Variants in STPG2 observed in about 807,000 individuals in gnomAD.
The protein encoded by STPG2 is sperm tail PG-rich repeat containing 2.
STPG2 carries 56 observed loss-of-function variants against 54.2 expected under a neutral mutation model. That is an observed-to-expected ratio of 1.03 (90% CI 0.83 to 1.29). The LOEUF (loss-of-function observed/expected upper bound fraction) is 1.29, where lower values mean the gene tolerates loss of function less well. Among genes scored for constraint, STPG2 ranks in the 50% most tolerant of loss-of-function variants. The pLI is 0.00. For missense variants in STPG2, 596 were observed against 544.9 expected (o/e 1.09, Z -0.93); for synonymous variants, 200 against 181.8 (o/e 1.10, Z -0.81).
intron 9 of STPG2, among the ~76,000 whole-genome samples, chr4:97,818,937 G>C (rs564935995): frequency 6.8e-6 from 1 of 147,480 alleles, no homozygotes; most frequent in Admixed American, 6.8e-5. Flanking sequence ...ATATATTTAT[G>C]TATCTCTTAT....
chr4:97,516,849 A>T (rs924137263), intron 4 of STPG2, among the ~76,000 whole-genome samples: 3 of 149,134 alleles, frequency 2.0e-5, no homozygotes, highest in Non-Finnish European at 3.0e-5. Flanking sequence ...CAACAACAAC[A>T]ATATATATAT....
chr4:97,660,004 CTTTT>C (rs1274412068), intron 10 of STPG2, among the ~76,000 whole-genome samples: 1 of 140,948 alleles, frequency 7.1e-6, no homozygotes. Flanking sequence ...ATCTTTCTTT[CTTTT>C]TTTTTTTTTT....
intron 7 of STPG2, among the ~76,000 whole-genome samples, chr4:97,961,867 A>G (rs1733902567): frequency 6.6e-6 from 1 of 152,232 alleles, no homozygotes; most frequent in Admixed American, 6.5e-5. Context: ...TTATCTACCC[A>G]TAGGAAAAGT....
chr4:98,091,586 G>A (rs937071755), intron 5 of STPG2, among the ~76,000 whole-genome samples: 2 of 151,928 alleles, frequency 1.3e-5, no homozygotes, highest in Admixed American at 1.3e-4. Flanking sequence ...TTGTATAATT[G>A]TTTAGATATT....
chr4:98,094,494 T>A (rs1228208467), intron 5 of STPG2, among the ~76,000 whole-genome samples: 1 of 152,198 alleles, frequency 6.6e-6, no homozygotes, highest in African/African-American at 2.4e-5. Flanking sequence ...GGACTTTGTC[T>A]CGCACCAACT....
chr4:97,621,018 C>A (rs1733997002), intron 10 of STPG2, among the ~76,000 whole-genome samples: 1 of 152,120 alleles, frequency 6.6e-6, no homozygotes, highest in Non-Finnish European at 1.5e-5. Context: ...CTTTACACAA[C>A]CTGCTCCTGA....
chr4:97,824,578 C>T (rs938153073), intron 9 of STPG2, among the ~76,000 whole-genome samples: 1 of 152,148 alleles, frequency 6.6e-6, no homozygotes. Flanking sequence ...CAAGACAGCA[C>T]AGCAAACTGG....
At chr4:97,931,668 G>T (rs866801253) in intron 8 of STPG2, among the ~76,000 whole-genome samples, 4 of 149,442 alleles carry the variant, frequency 2.7e-5, no homozygotes, top group Admixed American at 6.7e-5. Flanking sequence ...TTTGTTTTTT[G>T]TTGTTGTTGT....
intron 10 of STPG2, among the ~76,000 whole-genome samples, chr4:97,560,574 G>C (rs1029311859): frequency 3.3e-5 from 5 of 152,158 alleles, no homozygotes; most frequent in Non-Finnish European, 5.9e-5. Flanking sequence ...GGAGATGAGT[G>C]TCCACTGTTA....
intron 8 of STPG2, among the ~76,000 whole-genome samples, chr4:97,876,125 C>T (rs578026484): frequency 7.2e-5 from 11 of 152,100 alleles, no homozygotes; most frequent in Admixed American, 2.6e-4. Flanking sequence ...CAAGCGAATG[C>T]TAAAAAGTCT....
intron 1 of STPG2, among the ~76,000 whole-genome samples, chr4:98,140,980 C>T (rs755378170): frequency 5.3e-5 from 8 of 152,068 alleles, no homozygotes; most frequent in East Asian, 1.9e-4. Flanking sequence ...AAAGTACACA[C>T]GAGAAAAGTA....
At chr4:97,854,511 A>C (rs1729269800) in intron 8 of STPG2, among the ~76,000 whole-genome samples, 1 of 148,682 alleles carries the variant, frequency 6.7e-6, no homozygotes, top group Non-Finnish European at 1.5e-5. Flanking sequence ...ATTTATAATT[A>C]TTATACCTCA....
At chr4:97,794,531 T>C (rs1281074821) in intron 9 of STPG2, among the ~76,000 whole-genome samples, 1 of 152,168 alleles carries the variant, frequency 6.6e-6, no homozygotes, top group Non-Finnish European at 1.5e-5. Flanking sequence ...CAAAGTGTTT[T>C]AATTGAAATG....
intron 7 of STPG2, among the ~76,000 whole-genome samples, chr4:97,949,834 T>C (rs1733397463): frequency 6.6e-6 from 1 of 152,148 alleles, no homozygotes; most frequent in Non-Finnish European, 1.5e-5. Flanking sequence ...TCACATTGAC[T>C]TTAAATAGCT....
intron 10 of STPG2, among the ~76,000 whole-genome samples, chr4:97,613,792 C>CT (rs1733791726): frequency 6.6e-6 from 1 of 151,830 alleles, no homozygotes; most frequent in African/African-American, 2.4e-5. Flanking sequence ...ATGCTTCTAT[C>CT]CTTTTGAGGT....
chr4:97,566,545 T>G (rs1194154921), intron 10 of STPG2, among the ~76,000 whole-genome samples: 2 of 152,198 alleles, frequency 1.3e-5, no homozygotes. Flanking sequence ...CGCTGGGAGC[T>G]GTAGACTGGC....
chr4:97,703,696 T>C (rs1723855831), intron 10 of STPG2, among the ~76,000 whole-genome samples: 1 of 142,450 alleles, frequency 7.0e-6, no homozygotes, highest in African/African-American at 2.6e-5. Flanking sequence ...ATATTTAGTA[T>C]ATATAGTATA....
At chr4:97,664,667 A>G (rs1010190) in intron 10 of STPG2, among the ~76,000 whole-genome samples, 91,351 of 151,780 alleles carry the variant, frequency 0.6, 28,068 homozygotes, top group African/African-American at 0.72. Flanking sequence ...GTGTATGTGT[A>G]TGTTTCTGAT....
intron 9 of STPG2, among the ~76,000 whole-genome samples, chr4:97,795,737 A>C (rs1727150138): frequency 6.6e-6 from 1 of 152,168 alleles, no homozygotes; most frequent in African/African-American, 2.4e-5. Flanking sequence ...GCTGGGTCAA[A>C]TGGTATTTCT....
Sources: gnomAD v4.1 joint callset for allele counts (sites outside exome capture counted in the v4.1 genomes callset) on GRCh38, gnomAD v4.1.1 for gene constraint, MANE v1.5 for transcripts, NCBI Gene and HGNC (gene_info 2026-07-23, HGNC 2026-07-21) for gene names.